Variants in CCDC6 observed in about 807,000 individuals in gnomAD.
CCDC6 encodes the protein coiled-coil domain containing 6, also known as coiled-coil domain-containing protein 6.
In CCDC6, 20 loss-of-function variants were observed where a neutral mutation model predicts 56.6. That is an observed-to-expected ratio of 0.35 (90% CI 0.25 to 0.51). The LOEUF is 0.51. Ranked by LOEUF, CCDC6 falls within the 20% of genes least tolerant of loss-of-function variation. The probability of loss-of-function intolerance (pLI) is 0.95; values close to 1 mark genes in which losing one functional copy is unlikely to be tolerated. For missense variants in CCDC6, 367 were observed against 601.1 expected (o/e 0.61, Z 4.07); for synonymous variants, 241 against 234.4 (o/e 1.03, Z -0.26).
In CCDC6 at chr10:59,815,109, T is replaced by C. The variant is rs545983203; in HGVS notation, c.583-354A>G. On this transcript the variant is annotated intron_variant, in intron 3 of 8. Coordinates refer to ENST00000263102, the MANE Select transcript of CCDC6 (RefSeq NM_005436.5). ...GTCCCTTACAGTTCTGGGCTTACAGTTATTCTTCCGGGCTTGTCCCTTACA... is the reference window on the plus strand; with the variant it reads ...GTCCCTTACAGTTCTGGGCTTACAGCTATTCTTCCGGGCTTGTCCCTTACA... Among the ~76,000 whole-genome samples, 9 of 152,290 alleles carry C rather than the reference T, an allele frequency of 5.9e-5. No homozygotes were observed. In the East Asian group the frequency reaches 1.7e-3, roughly 29 times the overall value.
At chr10:59,847,358 A>AT (rs58671737) in intron 2 of CCDC6, among the ~76,000 whole-genome samples, 77,495 of 151,514 alleles carry the variant, frequency 0.51, 21,512 homozygotes, top group African/African-American at 0.74. Flanking sequence ...AGGCCTAGAA[A>AT]TTTTTTTTTA....
At chr10:59,809,415 T>G (rs928113434) in intron 5 of CCDC6, among the ~76,000 whole-genome samples, 3 of 152,182 alleles carry the variant, frequency 2.0e-5, no homozygotes, top group African/African-American at 4.8e-5. Context: ...TCCCCTGCAG[T>G]GATCGGCTGG....
intron 2 of CCDC6, among the ~76,000 whole-genome samples, chr10:59,845,346 GT>G (rs151236986): frequency 0.064 from 6,229 of 97,074 alleles, 39 homozygotes; most frequent in African/African-American, 0.16. Context: ...GCCCCTATGG[GT>G]TTTTTTTTTT....
chr10:59,905,494 TCCCAA>T (rs1410681973), intron 1 of CCDC6, among the ~76,000 whole-genome samples: 1 of 151,878 alleles, frequency 6.6e-6, no homozygotes, highest in Admixed American at 6.6e-5. Flanking sequence ...CCGTCCACCC[TCCCAA>T]CCCAAAGCAA....
intron 1 of CCDC6, among the ~76,000 whole-genome samples, chr10:59,872,403 G>A (rs2071237254): frequency 1.3e-5 from 2 of 152,212 alleles, no homozygotes; most frequent in African/African-American, 4.8e-5. Context: ...CTACAAAGCT[G>A]TGTCTGTTTC....
intron 2 of CCDC6, among the ~76,000 whole-genome samples, chr10:59,838,416 C>T (rs2070905130): frequency 6.6e-6 from 1 of 152,332 alleles, no homozygotes; most frequent in African/African-American, 2.4e-5. Flanking sequence ...CAATGGCTCC[C>T]TACTACCTGT....
chr10:59,832,700 G>C (rs1325342878), intron 2 of CCDC6, 47 bp from the exon 3 acceptor site: 2 of 1,594,420 alleles, frequency 1.3e-6, no homozygotes, highest in East Asian at 4.5e-5. Flanking sequence ...CAACTCAAAT[G>C]CCATGGAAAC....
At chr10:59,852,160 T>A (rs757986497) in intron 2 of CCDC6, among the ~76,000 whole-genome samples, 32 of 152,198 alleles carry the variant, frequency 2.1e-4, no homozygotes, top group Non-Finnish European at 1.8e-4. Context: ...CATATCCTCA[T>A]ATTTTAGTGC....
At chr10:59,895,135 A>T (rs111919773) in intron 1 of CCDC6, among the ~76,000 whole-genome samples, 21 of 152,080 alleles carry the variant, frequency 1.4e-4, no homozygotes, top group African/African-American at 5.1e-4. Flanking sequence ...GACCCTCTAT[A>T]AAAAATAATA....
At position 59,906,246 on chromosome 10, in the gene CCDC6, G is replaced by C; in HGVS notation, c.179C>G (p.Thr60Ser). ...VISPFRLEEL[T>S]NRLASLQQEN... ...TTGCTGCAGCGAGGCCAGGCGGTTG[G>C]TGAGCTCCTCCAGGCGGAACGGCGA... Residue 60 changes from threonine (T) to serine (S), a missense_variant, in exon 1 of 9, where the codon ACC becomes AGC. By Grantham distance (58) the Thr-to-Ser change is moderately conservative. Coordinates refer to ENST00000263102, the MANE Select transcript of CCDC6 (RefSeq NM_005436.5). The C allele has an allele frequency of 6.2e-7, 1 of 1,613,352 alleles. No homozygotes were observed.
intron 3 of CCDC6, among the ~76,000 whole-genome samples, chr10:59,819,897 A>C (rs1235434455): frequency 6.6e-6 from 1 of 152,236 alleles, no homozygotes; most frequent in Non-Finnish European, 1.5e-5. Context: ...CTGAATATTC[A>C]TTGGAAAGAC....
rs1282481035 is a variant in CCDC6 at position 59,856,574 on chromosome 10, A to G, written c.304-3872T>C. Among the ~76,000 whole-genome samples, 16 of 152,190 alleles carry G rather than the reference A, an allele frequency of 1.1e-4. No homozygotes were observed. The East Asian group carries it at 2.9e-3, about 28-fold the overall frequency. ...TTTTATTTAAGCTGTAAAACAAATTACCTTTCCAAGGTATTTCCCCAAAAT... is the reference window on the plus strand; with the variant it reads ...TTTTATTTAAGCTGTAAAACAAATTGCCTTTCCAAGGTATTTCCCCAAAAT... On this transcript the variant is annotated intron_variant, in intron 1 of 8. Coordinates refer to ENST00000263102, the MANE Select transcript of CCDC6 (RefSeq NM_005436.5).
At chr10:59,865,410 C>A (rs966307729) in intron 1 of CCDC6, among the ~76,000 whole-genome samples, 7 of 152,192 alleles carry the variant, frequency 4.6e-5, no homozygotes, top group Admixed American at 4.6e-4. Context: ...GCTCCTCCCA[C>A]CCTTTCCCGG....
intron 5 of CCDC6, among the ~76,000 whole-genome samples, chr10:59,810,692 T>TA (rs1564739367): frequency 4.9e-4 from 74 of 151,632 alleles, no homozygotes; most frequent in African/African-American, 1.5e-3. Flanking sequence ...ATATATATAT[T>TA]TTTTTAATAT....
intron 2 of CCDC6, among the ~76,000 whole-genome samples, chr10:59,833,330 TC>T (rs753821773): frequency 6.6e-6 from 1 of 152,122 alleles, no homozygotes; most frequent in Non-Finnish European, 1.5e-5. Flanking sequence ...GCACCTGTAA[TC>T]CCGGCTACTT....
chr10:59,882,003 TGGGGAGAAGGAAAGGAAA>T (rs2071340248), intron 1 of CCDC6, among the ~76,000 whole-genome samples: 1 of 88,824 alleles, frequency 1.1e-5, no homozygotes, highest in Admixed American at 1.4e-4. Context: ...GAAGGAAAGC[TGGGGAGAAGGAAAGGAAA>T]GCCGCGGGGA....
rs1047035263 is a variant in CCDC6 at position 59,843,144 on chromosome 10, C to T, written c.453+9409G>A. On this transcript the variant is annotated intron_variant, in intron 2 of 8. Coordinates refer to ENST00000263102, the MANE Select transcript of CCDC6 (RefSeq NM_005436.5). ...CTCGTGATCTGCCCGCCTCAGCCTC[C>T]GAAAGTGTTGGGATTACAGGCGTGA... is the stretch of plus-strand genomic sequence containing the variant. Among the ~76,000 whole-genome samples the T allele has an allele frequency of 5.4e-4, 82 of 152,162 alleles. 1 individual carries two copies. Among genetic ancestry groups the T allele is most frequent in the African/African-American group, 1.9e-3 (77 of 41,434 alleles).
rs1564755784 is a variant in CCDC6 at position 59,882,025 on chromosome 10, G to GGGGGGAGAAGGAAAGGAAAGC, written c.303+24096_303+24097insGCTTTCCTTTCCTTCTCCCCC. Among the ~76,000 whole-genome samples, 11 of 48,976 alleles carry GGGGGGAGAAGGAAAGGAAAGC rather than the reference G, an allele frequency of 2.2e-4. 1 individual carries two copies. The South Asian group carries it at 4.0e-3, about 18-fold the overall frequency. The allele number at this position is 48,976 out of a possible 152,430, so 32.1% of individuals were successfully genotyped here. A position where few individuals can be genotyped will look rare whatever the true frequency, so the allele number is the denominator to read the frequency against. On this transcript the variant is annotated intron_variant, in intron 1 of 8. Transcript: ENST00000263102. ...AGCTGGGGAGAAGGAAAGGAAAGCC[G>GGGGGGAGAAGGAAAGGAAAGC]CGGGGAGAAGGAAAGGAAAGCCAGG...
intron 2 of CCDC6, among the ~76,000 whole-genome samples, chr10:59,845,657 G>C (rs1163155384): frequency 6.6e-6 from 1 of 152,124 alleles, no homozygotes; most frequent in African/African-American, 2.4e-5. Flanking sequence ...CTCCTGAAAA[G>C]ATCAGACAAA....
Sources: allele counts gnomAD v4.1 joint callset (sites outside exome capture counted in the v4.1 genomes callset), GRCh38; gene constraint gnomAD v4.1.1; transcripts MANE v1.5; gene names NCBI Gene and HGNC (gene_info 2026-07-23, HGNC 2026-07-21).